The following PPP3CA variants were observed in gnomAD, a reference collection of about 807,000 sequenced individuals.
The protein encoded by PPP3CA is protein phosphatase 3 catalytic subunit alpha, also known as CAM-PRP catalytic subunit.
PPP3CA carries 14 observed loss-of-function variants against 66.5 expected under a neutral mutation model. That is an observed-to-expected ratio of 0.21 (90% CI 0.14 to 0.33). The LOEUF (loss-of-function observed/expected upper bound fraction) is 0.33, where lower values mean the gene tolerates loss of function less well. Among genes scored for constraint, PPP3CA ranks in the 10% least tolerant of loss-of-function variants. The probability of loss-of-function intolerance (pLI) is 1.00; values close to 1 mark genes in which losing one functional copy is unlikely to be tolerated. For synonymous variants in PPP3CA, 232 were observed against 226.2 expected (o/e 1.03, Z -0.23); for missense variants, 317 against 639.5 (o/e 0.50, Z 5.44).
intron 1 of PPP3CA, among the ~76,000 whole-genome samples, chr4:101,202,818 C>T (rs772199890): frequency 4.6e-5 from 7 of 152,082 alleles, no homozygotes; most frequent in Non-Finnish European, 8.8e-5. Context: ...TAGTAATTTA[C>T]TGGGTTTTTT....
intron 1 of PPP3CA, among the ~76,000 whole-genome samples, chr4:101,337,036 G>A (rs774308594): frequency 6.6e-6 from 1 of 152,102 alleles, no homozygotes; most frequent in Non-Finnish European, 1.5e-5. Flanking sequence ...GATTTCCATG[G>A]TTCCTTCCAG....
chr4:101,130,003 T>C lies in PPP3CA; in HGVS notation c.260-20925A>G, dbSNP rs865815961. Among the ~76,000 whole-genome samples, 7 of 152,070 alleles carry C rather than the reference T, an allele frequency of 4.6e-5. No homozygotes were observed. In the South Asian group the frequency reaches 6.2e-4, roughly 14 times the overall value. On this transcript the variant is annotated intron_variant, in intron 2 of 13. Transcript: ENST00000394854. ...AATGTAAGGAAGCTAAGAACATTGA[T>C]ACAAGGTTAGAGGAATTGCTAACTA...
intron 2 of PPP3CA, among the ~76,000 whole-genome samples, chr4:101,138,888 A>G (rs1374329139): frequency 6.6e-6 from 1 of 152,216 alleles, no homozygotes; most frequent in Non-Finnish European, 1.5e-5. Flanking sequence ...TAATTTTATA[A>G]TATGACAAAT....
intron 1 of PPP3CA, among the ~76,000 whole-genome samples, chr4:101,346,119 G>A (rs2110346978): frequency 6.7e-6 from 1 of 149,438 alleles, no homozygotes; most frequent in African/African-American, 2.5e-5. Flanking sequence ...CGCCCCGCGC[G>A]GAAGGAAGCG....
chr4:101,314,569 C>CAAA (rs748980814), intron 1 of PPP3CA, among the ~76,000 whole-genome samples: 867 of 75,178 alleles, frequency 0.012, 15 homozygotes, highest in African/African-American at 0.033. Context: ...ATCTCAAAAC[C>CAAA]AAAAAAAAAA....
At chr4:101,148,749 G>A (rs1238164998) in intron 2 of PPP3CA, among the ~76,000 whole-genome samples, 1 of 152,104 alleles carries the variant, frequency 6.6e-6, no homozygotes, top group East Asian at 1.9e-4. Flanking sequence ...ACCCAGGAAA[G>A]GACAAGGAGT....
intron 3 of PPP3CA, among the ~76,000 whole-genome samples, 185 bp from the exon 4 acceptor site, chr4:101,099,907 A>G (rs1004717367): frequency 1.3e-5 from 2 of 151,956 alleles, no homozygotes; most frequent in African/African-American, 4.8e-5. Flanking sequence ...TAAAAAGCCA[A>G]GGTCCATCTA....
chr4:101,132,945 A>G (rs1245004773), intron 2 of PPP3CA, among the ~76,000 whole-genome samples: 1 of 152,252 alleles, frequency 6.6e-6, no homozygotes, highest in East Asian at 1.9e-4. Flanking sequence ...CTGGTTCAAC[A>G]TACGCAAACC....
intron 2 of PPP3CA, among the ~76,000 whole-genome samples, chr4:101,145,427 A>C (rs1722938758): frequency 6.6e-6 from 1 of 152,196 alleles, no homozygotes; most frequent in Non-Finnish European, 1.5e-5. Flanking sequence ...CATATACATA[A>C]GGGAGTGCTA....
intron 1 of PPP3CA, among the ~76,000 whole-genome samples, chr4:101,242,292 CT>C (rs1726336736): frequency 6.6e-6 from 1 of 152,022 alleles, no homozygotes; most frequent in Admixed American, 6.6e-5. Flanking sequence ...TAATCAGTTA[CT>C]TTTTTTAATC....
intron 1 of PPP3CA, among the ~76,000 whole-genome samples, chr4:101,245,815 C>G (rs1356501528): frequency 6.6e-6 from 1 of 152,022 alleles, no homozygotes; most frequent in Admixed American, 6.6e-5. Context: ...TATTAACACA[C>G]TTACTTGAAC....
chr4:101,049,102 TTTGG>T (rs1290882028), intron 10 of PPP3CA, among the ~76,000 whole-genome samples: 7 of 152,298 alleles, frequency 4.6e-5, no homozygotes, highest in African/African-American at 1.7e-4. Context: ...ACTGTCATTA[TTTGG>T]TTATTTTCTG....
intron 1 of PPP3CA, among the ~76,000 whole-genome samples, chr4:101,289,006 C>A (rs888602248): frequency 6.6e-6 from 1 of 151,528 alleles, no homozygotes; most frequent in Non-Finnish European, 1.5e-5. Flanking sequence ...TCTCCAACTG[C>A]GTAGGAGGAA....
chr4:101,267,447 T>G (rs186592100), intron 1 of PPP3CA, among the ~76,000 whole-genome samples: 1 of 152,320 alleles, frequency 6.6e-6, no homozygotes, highest in East Asian at 1.9e-4. Flanking sequence ...TACTCATTAT[T>G]TAGTGTGAAA....
At chr4:101,192,143 C>T (rs1187524769) in intron 2 of PPP3CA, among the ~76,000 whole-genome samples, 1 of 152,174 alleles carries the variant, frequency 6.6e-6, no homozygotes, top group Non-Finnish European at 1.5e-5. Flanking sequence ...CACAAATCAT[C>T]TTACTGTTTT....
chr4:101,224,882 G>A (rs1024241577), intron 1 of PPP3CA, among the ~76,000 whole-genome samples: 17 of 151,604 alleles, frequency 1.1e-4, no homozygotes, highest in African/African-American at 3.1e-4. Flanking sequence ...CCCTCACAAG[G>A]TATTCTATGA....
Position 101,245,847 on chromosome 4 carries a change from G to C in PPP3CA, c.59-49731C>G, listed in dbSNP as rs543678384. ...GAACAAGGGACCCTTCCTCCCTTCA[G>C]AACACACATTAAAGAAGTAATTTTG... On this transcript the variant is annotated intron_variant, in intron 1 of 13. Coordinates refer to ENST00000394854, the MANE Select transcript of PPP3CA (RefSeq NM_000944.5). 2.0e-5 allele frequency among the ~76,000 whole-genome samples: 3 copies of C among 151,906 alleles called. No homozygotes were observed. In the East Asian group the frequency reaches 5.8e-4, roughly 29 times the overall value.
intron 1 of PPP3CA, among the ~76,000 whole-genome samples, chr4:101,264,752 A>G (rs1035747662): frequency 1.3e-5 from 2 of 152,198 alleles, no homozygotes; most frequent in African/African-American, 4.8e-5. Flanking sequence ...TCATTCAAGA[A>G]AAGACAACAA....
At chr4:101,305,620 T>C (rs547515839) in intron 1 of PPP3CA, among the ~76,000 whole-genome samples, 2 of 152,354 alleles carry the variant, frequency 1.3e-5, no homozygotes, top group South Asian at 4.1e-4. Context: ...GAAAAATGAC[T>C]ATCACCATTT....
Sources: gnomAD v4.1 joint callset for allele counts (sites outside exome capture counted in the v4.1 genomes callset) on GRCh38, gnomAD v4.1.1 for gene constraint, MANE v1.5 for transcripts, NCBI Gene and HGNC (gene_info 2026-07-23, HGNC 2026-07-21) for gene names.